Variants in GNA14 observed in about 807,000 individuals in gnomAD.
GNA14 encodes G protein subunit alpha 14.
Under a neutral mutation model 42.0 loss-of-function variants are expected in GNA14, and 50 were observed. The observed-to-expected ratio is 1.19, with a 90% CI of 0.95 to 1.51. The LOEUF (loss-of-function observed/expected upper bound fraction) is 1.51, where lower values mean the gene tolerates loss of function less well. Ranked by LOEUF, GNA14 falls within the 40% of genes most tolerant of loss-of-function variation. The probability of loss-of-function intolerance (pLI) is 0.00; values close to 1 mark genes in which losing one functional copy is unlikely to be tolerated. For synonymous variants in GNA14, 173 were observed against 163.1 expected, an observed-to-expected ratio of 1.06 and a Z score of -0.46; for missense variants, 473 against 446.2, an observed-to-expected ratio of 1.06 and a Z score of -0.54.
At chr9:77,493,943 CAG>C (rs970695867) in intron 2 of GNA14, among the ~76,000 whole-genome samples, 1 of 152,096 alleles carries the variant, frequency 6.6e-6, no homozygotes, top group African/African-American at 2.4e-5. Flanking sequence ...TTGTTTTTGA[CAG>C]AGTCTCACTC....
intron 2 of GNA14, among the ~76,000 whole-genome samples, chr9:77,502,325 C>A (rs988580763): frequency 9.9e-5 from 15 of 152,186 alleles, no homozygotes; most frequent in African/African-American, 3.4e-4. Flanking sequence ...CTTCCTGATA[C>A]TTGGTATAGT....
At chr9:77,640,325 G>T (rs1483740444) in intron 1 of GNA14, among the ~76,000 whole-genome samples, 1 of 152,032 alleles carries the variant, frequency 6.6e-6, no homozygotes, top group Non-Finnish European at 1.5e-5. Context: ...TATCATCATA[G>T]CTTTGCTCCA....
chr9:77,491,156 G>A (rs56328641), intron 2 of GNA14, among the ~76,000 whole-genome samples: 11,414 of 152,252 alleles, frequency 0.075, 989 homozygotes, highest in African/African-American at 0.21. Flanking sequence ...GAAAGATAAA[G>A]TCTTTCAAAC....
chr9:77,529,258 A>C lies in GNA14; in HGVS notation c.125-5T>G, dbSNP rs1837492215. The stretch of plus-strand genomic sequence containing the variant: ...TTTTCCCACTTTCACCAGTTCCTAT[A>C]AGACAAAACAAGTGGAAAACGCTGT... On this transcript the variant is annotated splice_polypyrimidine_tract_variant and splice_region_variant and intron_variant, in intron 1 of 6. Coordinates refer to ENST00000341700, the MANE Select transcript of GNA14 (RefSeq NM_004297.4). 6.2e-7 allele frequency: 1 copy of C among 1,611,246 alleles called. No homozygotes were observed. The highest frequency in any genetic ancestry group is 1.3e-5 in the African/African-American group (1 of 74,826).
intron 1 of GNA14, among the ~76,000 whole-genome samples, chr9:77,642,709 C>CA (rs779667519): frequency 1.5e-4 from 23 of 152,132 alleles, no homozygotes; most frequent in Non-Finnish European, 2.6e-4. Flanking sequence ...GCAGAGGTTG[C>CA]AGTGAGCCAT....
intron 2 of GNA14, among the ~76,000 whole-genome samples, chr9:77,494,509 T>C (rs1238382025): frequency 5.9e-5 from 9 of 152,248 alleles, no homozygotes; most frequent in African/African-American, 2.2e-4. Flanking sequence ...TCACAAAGCA[T>C]GTTAGTGTAT....
intron 1 of GNA14, among the ~76,000 whole-genome samples, chr9:77,623,041 C>T (rs1823953730): frequency 6.7e-6 from 1 of 149,380 alleles, no homozygotes; most frequent in Admixed American, 6.7e-5. Flanking sequence ...ATGGTGAAAC[C>T]CTGACTCTAC....
intron 1 of GNA14, among the ~76,000 whole-genome samples, chr9:77,536,237 G>A (rs564853545): frequency 6.6e-6 from 1 of 152,318 alleles, no homozygotes; most frequent in East Asian, 1.9e-4. Flanking sequence ...AATAAAAAAG[G>A]AGAGTTGAAA....
chr9:77,592,769 C>T (rs988772598), intron 1 of GNA14, among the ~76,000 whole-genome samples: 10 of 152,160 alleles, frequency 6.6e-5, no homozygotes, highest in African/African-American at 2.2e-4. Flanking sequence ...TGTCACTGGT[C>T]TCCTTGCTGT....
intron 2 of GNA14, among the ~76,000 whole-genome samples, chr9:77,446,008 A>G (rs1835811399): frequency 6.6e-6 from 1 of 152,140 alleles, no homozygotes; most frequent in African/African-American, 2.4e-5. Context: ...TGCTGGGAGG[A>G]CGACAGGGTT....
intron 2 of GNA14, among the ~76,000 whole-genome samples, chr9:77,495,927 T>C (rs1404048335): frequency 6.6e-6 from 1 of 152,174 alleles, no homozygotes; most frequent in Admixed American, 6.5e-5. Flanking sequence ...TCGGCTTTCT[T>C]CCCAGAGAGG....
intron 1 of GNA14, among the ~76,000 whole-genome samples, chr9:77,597,662 G>A (rs972731519): frequency 2.0e-5 from 3 of 150,102 alleles, no homozygotes; most frequent in East Asian, 2.1e-4. Context: ...GGCAAAACCC[G>A]CAATTACTTT....
rs546228092 is a variant in GNA14 at position 77,642,135 on chromosome 9, A to T, written c.124+5535T>A. 2.0e-5 allele frequency among the ~76,000 whole-genome samples: 3 copies of T among 152,376 alleles called. No homozygotes were observed. The South Asian group carries it at 6.2e-4, about 32-fold the overall frequency. ...GTGATCATACATTTGTCAAAACTCAAAGTGTACACTTAAGCCTGGTGACTT... is the reference window on the plus strand; with the variant it reads ...GTGATCATACATTTGTCAAAACTCATAGTGTACACTTAAGCCTGGTGACTT... On this transcript the variant is annotated intron_variant, in intron 1 of 6. Coordinates refer to ENST00000341700, the MANE Select transcript of GNA14 (RefSeq NM_004297.4).
chr9:77,440,163 A>G (rs1306657267), intron 2 of GNA14, among the ~76,000 whole-genome samples: 2 of 152,244 alleles, frequency 1.3e-5, no homozygotes, highest in Admixed American at 6.5e-5. Context: ...AAACAAAATC[A>G]CCATATTCAC....
intron 2 of GNA14, among the ~76,000 whole-genome samples, chr9:77,462,970 G>A (rs536256297): frequency 6.6e-6 from 1 of 152,304 alleles, no homozygotes; most frequent in Admixed American, 6.5e-5. Flanking sequence ...ACCCACTGGA[G>A]TTCTCTCTTC....
chr9:77,541,779 C>A (rs1191233827), intron 1 of GNA14, among the ~76,000 whole-genome samples: 1 of 151,928 alleles, frequency 6.6e-6, no homozygotes, highest in Non-Finnish European at 1.5e-5. Flanking sequence ...ATTAAAAGAT[C>A]TGTATTCAAG....
At chr9:77,579,990 T>C (rs750039515) in intron 1 of GNA14, among the ~76,000 whole-genome samples, 1 of 152,244 alleles carries the variant, frequency 6.6e-6, no homozygotes, top group Non-Finnish European at 1.5e-5. Context: ...TTTTGCCTTC[T>C]TCTGGCAATT....
chr9:77,531,238 G>T (rs1837524775), intron 1 of GNA14, among the ~76,000 whole-genome samples: 1 of 152,290 alleles, frequency 6.6e-6, no homozygotes, highest in South Asian at 2.1e-4. Context: ...GGATTGAATG[G>T]AACAAACATG....
chr9:77,579,958 T>C (rs1009720688), intron 1 of GNA14, among the ~76,000 whole-genome samples: 50 of 152,210 alleles, frequency 3.3e-4, no homozygotes, highest in Non-Finnish European at 6.5e-4. Flanking sequence ...AAGAACCTAT[T>C]ATGAGCCAGG....
Sources: allele counts gnomAD v4.1 joint callset (sites outside exome capture counted in the v4.1 genomes callset), GRCh38; gene constraint gnomAD v4.1.1; transcripts MANE v1.5; gene names NCBI Gene and HGNC (gene_info 2026-07-23, HGNC 2026-07-21).